The following RGL1 variants were observed in gnomAD, a reference collection of about 807,000 sequenced individuals.
RGL1 encodes ral guanine nucleotide dissociation stimulator-like 1.
A neutral mutation model predicts 95.2 loss-of-function variants in RGL1; 24 were observed. The ratio of observed to expected loss-of-function variants is 0.25; its 90% CI spans 0.18 to 0.35. RGL1 has a LOEUF of 0.35. Among genes scored for constraint, RGL1 ranks in the 10% least tolerant of loss-of-function variants. RGL1 has a pLI of 1.00. For synonymous variants in RGL1, 329 were observed against 344.9 expected (o/e 0.95, Z 0.51); for missense variants, 715 against 936.3 (o/e 0.76, Z 3.08).
chr1:183,875,414 C>A (rs558296374), intron 4 of RGL1, among the ~76,000 whole-genome samples: 3 of 152,156 alleles, frequency 2.0e-5, no homozygotes, highest in South Asian at 4.1e-4. Context: ...CTGTGATTTG[C>A]GCATAATCGC....
At chr1:183,903,932 C>T (rs73047595) in intron 12 of RGL1, among the ~76,000 whole-genome samples, 1 of 152,132 alleles carries the variant, frequency 6.6e-6, no homozygotes, top group Non-Finnish European at 1.5e-5. Context: ...GACCAAGGGC[C>T]GAGGTCACTG....
intron 1 of RGL1, among the ~76,000 whole-genome samples, chr1:183,651,371 G>A (rs944119892): frequency 3.3e-5 from 5 of 151,962 alleles, no homozygotes; most frequent in African/African-American, 1.2e-4. Context: ...GAATACTTGT[G>A]CTAATAAATA....
chr1:183,825,068 G>A (rs1662755581), intron 2 of RGL1, among the ~76,000 whole-genome samples: 1 of 152,198 alleles, frequency 6.6e-6, no homozygotes, highest in Admixed American at 6.5e-5. Context: ...TGAGAGGGAG[G>A]AGTCAAAGAT....
chr1:183,921,214 G>A (rs1669292701), intron 16 of RGL1, among the ~76,000 whole-genome samples: 1 of 152,124 alleles, frequency 6.6e-6, no homozygotes, highest in South Asian at 2.1e-4. Context: ...CCTTTAACTT[G>A]TGCTTTTAAA....
At chr1:183,870,317 G>T (rs373408044) in intron 4 of RGL1, among the ~76,000 whole-genome samples, 18 of 147,340 alleles carry the variant, frequency 1.2e-4, no homozygotes, top group East Asian at 4.0e-4. Flanking sequence ...TCCGGCCAGG[G>T]TAGTTGTCTT....
At chr1:183,894,371 T>G (rs140658397) in intron 9 of RGL1, among the ~76,000 whole-genome samples, 1 of 152,360 alleles carries the variant, frequency 6.6e-6, no homozygotes, top group Non-Finnish European at 1.5e-5. Flanking sequence ...AAATTAAATT[T>G]CTTATAGATA....
intron 17 of RGL1, 54 bp from the exon 18 acceptor site, chr1:183,926,051 G>C: frequency 6.6e-7 from 1 of 1,517,828 alleles, no homozygotes; most frequent in Non-Finnish European, 9.0e-7. Context: ...GCCGTTGTCA[G>C]TACTGAGCTG....
At chr1:183,653,403 C>G (rs1650913685) in intron 1 of RGL1, 1 of 152,264 alleles carries the variant, frequency 6.6e-6, no homozygotes, top group African/African-American at 2.4e-5. Flanking sequence ...ATCAAGCCAC[C>G]TGTTCCAAAG....
intron 1 of RGL1, among the ~76,000 whole-genome samples, chr1:183,683,464 C>A (rs1488496067): frequency 4.6e-5 from 7 of 152,166 alleles, no homozygotes; most frequent in African/African-American, 1.2e-4. Context: ...GTTGAAAATT[C>A]TTTTCTTTAA....
At chr1:183,678,494 A>C (rs1427956746) in intron 1 of RGL1, among the ~76,000 whole-genome samples, 1 of 152,206 alleles carries the variant, frequency 6.6e-6, no homozygotes, top group Non-Finnish European at 1.5e-5. Context: ...GGAATATGTG[A>C]ATGAATTGGT....
chr1:183,880,632 C>T lies in RGL1; in HGVS notation c.442C>T (p.Leu148=). ...MVIRNAIASI[L]RAWLDQCAED... ...CTTTCTCAGTGCAATCGCTTCCATA[C>T]TAAGGGCCTGGCTTGACCAGTGTGC... The change falls in exon 5 of 18, where the codon CTA becomes TTA. Residue 148 remains leucine, a synonymous_variant. Transcript: ENST00000360851. 6.2e-7 allele frequency: 1 copy of T among 1,613,776 alleles called. No individual in the cohort carries two copies. The highest frequency in any genetic ancestry group is 8.5e-7 in the Non-Finnish European group (1 of 1,179,798).
At chr1:183,658,892 G>T (rs1434875419) in intron 1 of RGL1, among the ~76,000 whole-genome samples, 1 of 151,342 alleles carries the variant, frequency 6.6e-6, no homozygotes, top group African/African-American at 2.5e-5. Flanking sequence ...CAGCATTCAC[G>T]GTTCACGAAA....
chr1:183,846,737 G>C (rs554922765), intron 2 of RGL1, among the ~76,000 whole-genome samples: 1 of 151,910 alleles, frequency 6.6e-6, no homozygotes, highest in African/African-American at 2.4e-5. Flanking sequence ...AAAATTAGTC[G>C]GGTGTGGTGA....
intron 1 of RGL1, among the ~76,000 whole-genome samples, chr1:183,675,472 GA>G (rs1386148469): frequency 6.8e-6 from 1 of 147,798 alleles, no homozygotes; most frequent in Non-Finnish European, 1.5e-5. Context: ...CATTGTTGAA[GA>G]AAAAGTGTTA....
chr1:183,807,745 G>A (rs1411357449), intron 2 of RGL1, among the ~76,000 whole-genome samples: 3 of 152,178 alleles, frequency 2.0e-5, no homozygotes, highest in Non-Finnish European at 4.4e-5. Context: ...ACATCTGCAG[G>A]TGTGGTCTGG....
intron 2 of RGL1, among the ~76,000 whole-genome samples, chr1:183,766,614 A>C (rs1658981065): frequency 1.3e-5 from 2 of 152,212 alleles, no homozygotes; most frequent in Admixed American, 1.3e-4. Context: ...TTTTCCAAAT[A>C]ACAAAATATT....
chr1:183,905,857 G>T (rs563317740), intron 13 of RGL1, among the ~76,000 whole-genome samples: 18 of 152,148 alleles, frequency 1.2e-4, no homozygotes, highest in Non-Finnish European at 2.5e-4. Context: ...ACAGTTATTT[G>T]AAATTCAGAT....
chr1:183,755,864 G>A (rs541630832), intron 2 of RGL1, among the ~76,000 whole-genome samples: 2 of 152,000 alleles, frequency 1.3e-5, no homozygotes, highest in Non-Finnish European at 1.5e-5. Flanking sequence ...TTCTCACTGA[G>A]CTGATAGTTG....
At chr1:183,755,677 C>T (rs902740822) in intron 2 of RGL1, among the ~76,000 whole-genome samples, 1 of 152,062 alleles carries the variant, frequency 6.6e-6, no homozygotes, top group African/African-American at 2.4e-5. Context: ...AATGATACCT[C>T]AACAAAGTTG....
Sources: gnomAD v4.1 joint callset for allele counts (sites outside exome capture counted in the v4.1 genomes callset) on GRCh38, gnomAD v4.1.1 for gene constraint, MANE v1.5 for transcripts, NCBI Gene and HGNC (gene_info 2026-07-23, HGNC 2026-07-21) for gene names.